The following AHNAK2 variants were observed in gnomAD, a reference collection of about 807,000 sequenced individuals.
AHNAK2 encodes AHNAK nucleoprotein 2, also known as protein AHNAK2.
In AHNAK2, 18 loss-of-function variants were observed where a neutral mutation model predicts 30.7. The ratio of observed to expected loss-of-function variants is 0.59; its 90% CI spans 0.41 to 0.87. AHNAK2 has a LOEUF of 0.87. Ranked by LOEUF, AHNAK2 falls within the 40% of genes least tolerant of loss-of-function variation. The pLI, the probability that AHNAK2 is intolerant of heterozygous loss-of-function variation, is 0.00. For missense variants in AHNAK2, 8,604 were observed against 7,373.0 expected, an observed-to-expected ratio of 1.17 and a Z score of -6.11; for synonymous variants, 3,590 against 3,073.8, an observed-to-expected ratio of 1.17 and a Z score of -5.56.
At position 104,939,610 on chromosome 14, in the gene AHNAK2, G is replaced by A. The variant is rs748318127; in HGVS notation, c.15841C>T (p.His5281Tyr). ...CCAGTCATCCCAGCAGTGGAGAGGTGCAGCTTCAAGCCTGTGCTGTCAAGA... is the reference window on the plus strand; with the variant it reads ...CCAGTCATCCCAGCAGTGGAGAGGTACAGCTTCAAGCCTGTGCTGTCAAGA... The part of the protein sequence containing the change: ...CDLDSTGLKL[H>Y]LSTAGMTGDE... The change falls in exon 7 of 7, where the codon CAC becomes TAC. Residue 5281 changes from histidine (H) to tyrosine (Y), a missense_variant. By Grantham distance (83) the His-to-Tyr change is moderately conservative. Coordinates refer to ENST00000333244, the MANE Select transcript of AHNAK2 (RefSeq NM_138420.4). The A allele has an allele frequency of 6.2e-7, 1 of 1,613,884 alleles. No individual in the cohort carries two copies. The highest frequency in any genetic ancestry group is 8.5e-7 in the Non-Finnish European group (1 of 1,179,892).
chr14:104,941,184 G>T lies in AHNAK2; in HGVS notation c.14267C>A (p.Ser4756Tyr). The change falls in exon 7 of 7, where the codon TCC (serine) becomes TAC (tyrosine). Residue 4756 changes from serine to tyrosine, a missense_variant. By Grantham distance (144) the Ser-to-Tyr change is moderately radical (BLOSUM62 -2). Transcript: ENST00000333244. ...AAAACCCACCTTAGGCATCTGCATG[G>T]ATGGCTCTGAACAAGCCGAAACCTG... ...LQQVSACSEPSMQMPKVGFAG... is the reference protein window; with the variant it reads ...LQQVSACSEPYMQMPKVGFAG... 6.2e-7 allele frequency: 1 copy of T among 1,613,614 alleles called. No individual in the cohort carries two copies. The highest frequency in any genetic ancestry group is 8.5e-7 in the Non-Finnish European group (1 of 1,179,902).
chr14:104,949,442 T>C lies in AHNAK2; in HGVS notation c.6009A>G (p.Pro2003=). The change falls in exon 7 of 7, where the codon CCA becomes CCG. Residue 2003 remains proline (P), a synonymous_variant. Coordinates refer to ENST00000333244, the MANE Select transcript of AHNAK2 (RefSeq NM_138420.4). ...CCACCGAGGCCTCGATGGACCTCCC[T>C]GGGGCCGATACCCCGAACGACGGCA... ...FKMPSFGVSA[P]GRSIEASVDV... The C allele has an allele frequency of 3.1e-6, 5 of 1,587,604 alleles. 1 individual carries two copies. Among genetic ancestry groups the C allele is most frequent in the Non-Finnish European group, 4.3e-6 (5 of 1,162,388 alleles).
Position 104,944,567 on chromosome 14 carries a change from G to C in AHNAK2, c.10884C>G (p.Asp3628Glu), listed in dbSNP as rs770130408. 1 of 1,611,546 alleles carries C rather than the reference G, an allele frequency of 6.2e-7. No homozygotes were observed. The highest frequency in any genetic ancestry group is 8.5e-7 in the Non-Finnish European group (1 of 1,179,046). ...GRLEGDLSLA[D>E]KDVTAKDSKF... The stretch of plus-strand genomic sequence containing the variant: ...TGCTGTCTTTGGCAGTCACGTCCTT[G>C]TCAGCCAGGGACAGGTCTCCCTCCA... The change falls in exon 7 of 7, where the codon GAC (aspartate) becomes GAG (glutamate). Residue 3628 changes from aspartate to glutamate, a missense_variant. Transcript: ENST00000333244.
chr14:104,952,404 G>A lies in AHNAK2; in HGVS notation c.3047C>T (p.Ser1016Phe). 3.7e-6 allele frequency: 6 copies of A among 1,612,662 alleles called. No homozygotes were observed. The highest frequency in any genetic ancestry group is 5.1e-6 in the Non-Finnish European group (6 of 1,179,574). The change falls in exon 7 of 7, where the codon TCC (serine) becomes TTC (phenylalanine). Residue 1016 changes from serine (S) to phenylalanine (F), a missense_variant. Ser to Phe is a radical substitution (Grantham distance 155, BLOSUM62 -2). Transcript: ENST00000333244. ...PSFGVSAPGK[S>F]IKALVDVSAP... ...AGACACATCCACCAAGGCCTTGATGGACTTCCCTGGGGCCGATACCCCGAA... is the reference window on the plus strand; with the variant it reads ...AGACACATCCACCAAGGCCTTGATGAACTTCCCTGGGGCCGATACCCCGAA...
In AHNAK2 at chr14:104,952,192, G is replaced by C. The variant is rs375049450; in HGVS notation, c.3259C>G (p.Pro1087Ala). ...GCCACTTTGGGCATCTTGAAACTGG[G>C]CATCTCCACCTTGGGCAAGTGCCCT... Reference protein sequence around the residue: ...LKGHLPKVEMPSFKMPKVALK... With the variant: ...LKGHLPKVEMASFKMPKVALK... The change falls in exon 7 of 7, where the codon CCC (proline) becomes GCC (alanine). Residue 1087 changes from proline to alanine, a missense_variant. Transcript: ENST00000333244. The C allele has an allele frequency of 2.7e-5, 43 of 1,612,326 alleles. No homozygotes were observed. Among genetic ancestry groups the C allele is most frequent in the Non-Finnish European group, 3.5e-5 (41 of 1,179,592 alleles).
At chr14:104,961,253 G>A (rs1278757660) in intron 1 of AHNAK2, among the ~76,000 whole-genome samples, 16 of 151,312 alleles carry the variant, frequency 1.1e-4, no homozygotes, top group Non-Finnish European at 1.5e-4. Flanking sequence ...GGTGGCTCAC[G>A]CCTGTAATCC....
At chr14:104,967,198 C>T (rs1442545656) in intron 1 of AHNAK2, among the ~76,000 whole-genome samples, 1 of 152,234 alleles carries the variant, frequency 6.6e-6, no homozygotes, top group Non-Finnish European at 1.5e-5. Flanking sequence ...CTCCCCGTCC[C>T]TCCGCAGCCT....
At chr14:104,976,824 G>A (rs1438355512) in intron 1 of AHNAK2, among the ~76,000 whole-genome samples, 1 of 152,202 alleles carries the variant, frequency 6.6e-6, no homozygotes, top group Non-Finnish European at 1.5e-5. Context: ...TGGGGGCAGG[G>A]TAGTGGTCCC....
Position 104,944,437 on chromosome 14 carries a change from C to A in AHNAK2, c.11014G>T (p.Val3672Leu), listed in dbSNP as rs758999554. 2.5e-6 allele frequency: 4 copies of A among 1,613,012 alleles called. No individual in the cohort carries two copies. Among genetic ancestry groups the A allele is most frequent in the Non-Finnish European group, 2.5e-6 (3 of 1,179,574 alleles). Residue 3672 changes from valine to leucine, a missense_variant, in exon 7 of 7, where the codon GTG becomes TTG. By Grantham distance (32) the Val-to-Leu change is conservative. Coordinates refer to ENST00000333244, the MANE Select transcript of AHNAK2 (RefSeq NM_138420.4). ...TCCCCCTGCATGGAGGGGAGACTCA[C>A]ATCGGCTTCCACCTTGGGTGCAGAC... ...DVSAPKVEAD[V>L]SLPSMQGDLK...
Position 104,938,915 on chromosome 14 carries a change from T to C in AHNAK2, c.16536A>G (p.Gln5512=), listed in dbSNP as rs780257891. 5 of 1,613,666 alleles carry C rather than the reference T, an allele frequency of 3.1e-6. No individual in the cohort carries two copies. Among genetic ancestry groups the C allele is most frequent in the South Asian group, 2.2e-5 (2 of 91,044 alleles). ...RESEIPTSEI[Q]TPSYGFSLLK... ...ATAAGGAAAATCCGTACGAAGGTGT[T>C]TGAATCTCTGACGTGGGGATCTCTG... Residue 5512 remains glutamine, a synonymous_variant, in exon 7 of 7, where the codon CAA becomes CAG. Coordinates refer to ENST00000333244, the MANE Select transcript of AHNAK2 (RefSeq NM_138420.4).
At chr14:104,974,210 T>G (rs998507276) in intron 1 of AHNAK2, among the ~76,000 whole-genome samples, 123 of 152,250 alleles carry the variant, frequency 8.1e-4, no homozygotes, top group African/African-American at 2.9e-3. Context: ...TTAGAGCGGG[T>G]GGAGGGGAGC....
chr14:104,942,817 G>T lies in AHNAK2; in HGVS notation c.12634C>A (p.Leu4212Ile), dbSNP rs775778984. 1 of 1,612,900 alleles carries T rather than the reference G, an allele frequency of 6.2e-7. No homozygotes were observed. The highest frequency in any genetic ancestry group is 2.2e-5 in the East Asian group (1 of 44,754). ...TGCACCTTGGGGAGGTGCCCTTTGAGGCCGGCTCCCTTGGGCAGGGGGCCC... is the reference window on the plus strand; with the variant it reads ...TGCACCTTGGGGAGGTGCCCTTTGATGCCGGCTCCCTTGGGCAGGGGGCCC... Reference protein sequence around the residue: ...PEGPLPKGAGLKGHLPKVQMP... With the variant: ...PEGPLPKGAGIKGHLPKVQMP... Residue 4212 changes from leucine to isoleucine, a missense_variant, in exon 7 of 7, where the codon CTC (leucine) becomes ATC (isoleucine). By Grantham distance (5) the Leu-to-Ile change is conservative. Transcript: ENST00000333244.
rs1897894824 is a variant in AHNAK2 at position 104,938,958 on chromosome 14, G to C, written c.16493C>G (p.Thr5498Ser). The C allele has an allele frequency of 1.9e-6, 3 of 1,612,626 alleles. No individual in the cohort carries two copies. Among genetic ancestry groups the C allele is most frequent in the Non-Finnish European group, 1.7e-6 (2 of 1,179,592 alleles). The change falls in exon 7 of 7, where the codon ACT (threonine) becomes AGT (serine). Residue 5498 changes from threonine (T) to serine (S), a missense_variant. Thr to Ser is a moderately conservative substitution (Grantham distance 58). Transcript: ENST00000333244. ...VDLSVPRTFS[T>S]QIVRESEIPT... ...GATCTCTGATTCCCGCACAATCTGA[G>C]TGGAAAAAGTCCTGGGTACTGAGAG... is the stretch of plus-strand genomic sequence containing the variant.
Position 104,946,615 on chromosome 14 carries a change from C to T in AHNAK2, c.8836G>A (p.Val2946Met). The T allele has an allele frequency of 5.0e-6, 8 of 1,613,000 alleles. No homozygotes were observed. Among genetic ancestry groups the T allele is most frequent in the Middle Eastern group, 1.7e-4 (1 of 6,058 alleles). ...TTTGCTCTCGGGGCCTCGACGTCCA[C>T]CTCCACGCTGGGCAGAGACACCTCC... ...DVEVSLPSVE[V>M]DVEAPRAKLD... The change falls in exon 7 of 7, where the codon GTG becomes ATG. Residue 2946 changes from valine to methionine, a missense_variant. Val to Met is a conservative substitution (Grantham distance 21). Transcript: ENST00000333244.
intron 1 of AHNAK2, among the ~76,000 whole-genome samples, 199 bp downstream of exon 1, chr14:104,977,984 G>C (rs1037616224): frequency 6.6e-6 from 1 of 152,146 alleles, no homozygotes; most frequent in Non-Finnish European, 1.5e-5. Flanking sequence ...CTACAGCCAC[G>C]GACAGGTAGA....
rs59875750 is a variant in AHNAK2 at position 104,961,979 on chromosome 14, C to T, written c.56-4307G>A. On this transcript the variant is annotated intron_variant, in intron 1 of 6. Transcript: ENST00000333244. ...CAAAGCAAGACCCTGTCTCAAAAAA[C>T]AAACAAACCAAAAAACACCTAGATC... Among the ~76,000 whole-genome samples, 579 of 152,216 alleles carry T rather than the reference C, an allele frequency of 3.8e-3. 4 individuals are homozygous for T. Among genetic ancestry groups the T allele is most frequent in the African/African-American group, 0.013 (546 of 41,538 alleles).
intron 1 of AHNAK2, among the ~76,000 whole-genome samples, chr14:104,970,693 G>C (rs1899449726): frequency 1.3e-5 from 2 of 152,174 alleles, no homozygotes. Context: ...CAGCTTCTTG[G>C]AGCTGGGGAC....
Position 104,949,257 on chromosome 14 carries a change from G to T in AHNAK2, c.6194C>A (p.Ala2065Asp), listed in dbSNP as rs568368976. 1 of 1,066,384 alleles carries T rather than the reference G, an allele frequency of 9.4e-7. No homozygotes were observed. The highest frequency in any genetic ancestry group is 1.4e-5 in the African/African-American group (1 of 69,738). 66.1% of individuals were successfully genotyped at this position (1,066,384 alleles called of 1,614,324 possible). The change falls in exon 7 of 7, where the codon GCT becomes GAT. Residue 2065 changes from alanine (A) to aspartate (D), a missense_variant. Ala to Asp is a moderately radical substitution (Grantham distance 126). Coordinates refer to ENST00000333244, the MANE Select transcript of AHNAK2 (RefSeq NM_138420.4). The stretch of plus-strand genomic sequence containing the variant: ...CTTGGGCAGGTGCCCTTTGAGGCCA[G>T]CTCCCTCGGGCACGTGGCCCTCCGG... ...KLPEGHVPEG[A>D]GLKGHLPKVE...
chr14:104,955,559 A>T lies in AHNAK2; in HGVS notation c.390T>A (p.Gly130=), dbSNP rs1595424275. 1 of 1,613,484 alleles carries T rather than the reference A, an allele frequency of 6.2e-7. No homozygotes were observed. Among genetic ancestry groups the T allele is most frequent in the Non-Finnish European group, 8.5e-7 (1 of 1,179,812 alleles). ...EAGASGYSVT[G]GGDQGIFVKQ... ...TGACGAAGATCCCCTGGTCCCCACCACCTGTGACACTGTAGCCACTGGCTC... is the reference window on the plus strand; with the variant it reads ...TGACGAAGATCCCCTGGTCCCCACCTCCTGTGACACTGTAGCCACTGGCTC... Residue 130 remains glycine, a synonymous_variant, in exon 5 of 7, where the codon GGT becomes GGA. Transcript: ENST00000333244.
Sources: allele counts gnomAD v4.1 joint callset (sites outside exome capture counted in the v4.1 genomes callset), GRCh38; gene constraint gnomAD v4.1.1; transcripts MANE v1.5; gene names NCBI Gene and HGNC (gene_info 2026-07-23, HGNC 2026-07-21).